Variants in MAS1 observed in about 807,000 individuals in gnomAD.
MAS1 encodes MAS1 proto-oncogene, G protein-coupled receptor, also known as proto-oncogene Mas.
For synonymous variants in MAS1, 163 were observed against 164.2 expected (o/e 0.99, Z 0.05); for missense variants, 387 against 409.7 (o/e 0.94, Z 0.48).
In MAS1 at chr6:159,910,198, C is replaced by CG. The variant is rs1554229634; in HGVS notation, c.*2268dup. ...TTGGATAATGCCTGTCCTAACTGAA[C>CG]GGGAAGGGTTTGTAGCATTCCTACT... On this transcript the variant is annotated 3_prime_UTR_variant, in exon 3 of 3. Transcript: ENST00000674077. The CG allele has an allele frequency of 6.6e-6, 1 of 152,172 alleles. No homozygotes were observed. The highest frequency in any genetic ancestry group is 1.5e-5 in the Non-Finnish European group (1 of 68,024). The allele number at this position is 152,172 out of a possible 1,614,324, so 9.4% of individuals were successfully genotyped here.
chr6:159,895,306 C>T (rs1782742041), intron 1 of MAS1, among the ~76,000 whole-genome samples: 1 of 152,178 alleles, frequency 6.6e-6, no homozygotes, highest in Non-Finnish European at 1.5e-5. Flanking sequence ...TTAATTTCCT[C>T]ACCTGGAAAA....
chr6:159,895,729 A>G (rs894162264), intron 1 of MAS1, among the ~76,000 whole-genome samples: 3 of 152,246 alleles, frequency 2.0e-5, no homozygotes, highest in Non-Finnish European at 4.4e-5. Context: ...TAGAAAAAGA[A>G]ACATATATAT....
rs1208941029 is a variant in MAS1, at chr6:159,908,040, T to G, written c.*107T>G. On this transcript the variant is annotated 3_prime_UTR_variant, in exon 3 of 3. Transcript: ENST00000674077. Reference sequence around the variant, plus strand: ...CCTAAATGTGATACAGAAGAACATCTCATCCCATATGCATGAGATACTAAT... The same window carrying G: ...CCTAAATGTGATACAGAAGAACATCGCATCCCATATGCATGAGATACTAAT... The G allele has an allele frequency of 3.2e-6, 4 of 1,245,398 alleles. No homozygotes were observed. Among genetic ancestry groups the G allele is most frequent in the Non-Finnish European group, 4.4e-6 (4 of 902,660 alleles). 77.1% of individuals were successfully genotyped at this position (1,245,398 alleles called of 1,614,324 possible).
At chr6:159,902,837 G>A (rs1562311006) in intron 2 of MAS1, among the ~76,000 whole-genome samples, 1 of 152,122 alleles carries the variant, frequency 6.6e-6, no homozygotes, top group Admixed American at 6.5e-5. Flanking sequence ...ATTCCTTGAC[G>A]ATTTCAGCAC....
chr6:159,899,076 T>C (rs1236961383), intron 1 of MAS1, 110 bp from the exon 2 acceptor site: 1 of 152,222 alleles, frequency 6.6e-6, no homozygotes, highest in African/African-American at 2.4e-5. Flanking sequence ...CTTATCAGCC[T>C]CCCAAGCTGA....
rs1782969917 is a variant in MAS1 at position 159,911,928 on chromosome 6, C to T, written c.*3995C>T. 2 of 152,734 alleles carry T rather than the reference C, an allele frequency of 1.3e-5. No homozygotes were observed. Among genetic ancestry groups the T allele is most frequent in the East Asian group, 1.9e-4 (1 of 5,192 alleles). 9.5% of individuals were successfully genotyped at this position (152,734 alleles called of 1,614,324 possible). On this transcript the variant is annotated 3_prime_UTR_variant, in exon 3 of 3. Transcript: ENST00000674077. ...TACCCTGGCTAAGATGCTCCAACCC[C>T]TTCCCCTGTTGCCTGCCCGATGGCA...
intron 1 of MAS1, among the ~76,000 whole-genome samples, chr6:159,898,150 C>T (rs1314558675): frequency 1.3e-5 from 2 of 152,034 alleles, no homozygotes; most frequent in South Asian, 2.1e-4. Flanking sequence ...CCTCAGTCTC[C>T]CAAAGTGCTG....
chr6:159,896,066 C>T (rs142755833), intron 1 of MAS1, among the ~76,000 whole-genome samples: 2 of 152,136 alleles, frequency 1.3e-5, no homozygotes, highest in Non-Finnish European at 2.9e-5. Flanking sequence ...CCCAGCACTG[C>T]GGGAGGCCAA....
chr6:159,894,268 A>C (rs949866044), intron 1 of MAS1, among the ~76,000 whole-genome samples: 4 of 151,916 alleles, frequency 2.6e-5, no homozygotes, highest in Non-Finnish European at 5.9e-5. Context: ...AATACCAAAA[A>C]ATTAGTCAGA....
Position 159,913,744 on chromosome 6 carries a change from G to C in MAS1, c.*5811G>C, listed in dbSNP as rs1782990808. On this transcript the variant is annotated 3_prime_UTR_variant, in exon 3 of 3. Transcript: ENST00000674077. ...GGGGTCTCATTTGCTTAAAATTATTGGCATGTTGTTGAAATTATAATGAGT... is the reference window on the plus strand; with the variant it reads ...GGGGTCTCATTTGCTTAAAATTATTCGCATGTTGTTGAAATTATAATGAGT... 1 of 152,030 alleles carries C rather than the reference G, an allele frequency of 6.6e-6. No homozygotes were observed. Among genetic ancestry groups the C allele is most frequent in the Non-Finnish European group, 1.5e-5 (1 of 68,000 alleles). The allele number at this position is 152,030 out of a possible 1,614,324, so 9.4% of individuals were successfully genotyped here.
In MAS1 at chr6:159,916,369, G is replaced by A. The variant is rs1783024304; in HGVS notation, c.*8436G>A. Reference sequence around the variant, plus strand: ...GGAGGGAGTGGGGAGTTAGTGTTTAGTAGGAACTGAATTTCAGTTTGAGGA... The same window carrying A: ...GGAGGGAGTGGGGAGTTAGTGTTTAATAGGAACTGAATTTCAGTTTGAGGA... On this transcript the variant is annotated 3_prime_UTR_variant, in exon 3 of 3. Transcript: ENST00000674077. 1 of 152,160 alleles carries A rather than the reference G, an allele frequency of 6.6e-6. No homozygotes were observed. Among genetic ancestry groups the A allele is most frequent in the South Asian group, 2.1e-4 (1 of 4,824 alleles). 9.4% of individuals were successfully genotyped at this position (152,160 alleles called of 1,614,324 possible).
intron 2 of MAS1, among the ~76,000 whole-genome samples, chr6:159,902,683 A>T (rs1345723954): frequency 6.6e-6 from 1 of 151,744 alleles, no homozygotes; most frequent in East Asian, 1.9e-4. Flanking sequence ...GTGTACTTTG[A>T]ATTTTCTTCC....
Position 159,914,499 on chromosome 6 carries a change from T to C in MAS1, c.*6566T>C, listed in dbSNP as rs1176680633. 6.6e-6 allele frequency: 1 copy of C among 152,254 alleles called. No individual in the cohort carries two copies. The highest frequency in any genetic ancestry group is 1.5e-5 in the Non-Finnish European group (1 of 68,058). 9.4% of individuals were successfully genotyped at this position (152,254 alleles called of 1,614,324 possible). A position where few individuals can be genotyped will look rare whatever the true frequency, so the allele number is the denominator to read the frequency against. Reference sequence around the variant, plus strand: ...GAACTATATTGCTGCTCTGTCAACATTTCCCAGTTCAGGGAAGATGTAAGT... The same window carrying C: ...GAACTATATTGCTGCTCTGTCAACACTTCCCAGTTCAGGGAAGATGTAAGT... On this transcript the variant is annotated 3_prime_UTR_variant, in exon 3 of 3. Coordinates refer to ENST00000674077, the MANE Select transcript of MAS1 (RefSeq NM_002377.4).
At chr6:159,889,929 G>A (rs952358646), upstream of MAS1, among the ~76,000 whole-genome samples, 2 of 152,144 alleles carry the variant, frequency 1.3e-5, no homozygotes, top group African/African-American at 2.4e-5. Flanking sequence ...ACAGTCGGAG[G>A]GGAACTTCAT....
chr6:159,897,424 T>C (rs1782766847), intron 1 of MAS1, among the ~76,000 whole-genome samples: 1 of 152,168 alleles, frequency 6.6e-6, no homozygotes, highest in African/African-American at 2.4e-5. Flanking sequence ...AACAGTGATG[T>C]TATCCCTAGG....
In MAS1 at chr6:159,911,021, A is replaced by G. The variant is rs1782958784; in HGVS notation, c.*3088A>G. 6.6e-6 allele frequency: 1 copy of G among 152,136 alleles called. No individual in the cohort carries two copies. The highest frequency in any genetic ancestry group is 1.5e-5 in the Non-Finnish European group (1 of 68,032). 9.4% of individuals were successfully genotyped at this position (152,136 alleles called of 1,614,324 possible). ...TTCTCCAGCTCTCTTTTTGAATCCT[A>G]TCTTCCTGATTGGAATCTTCTCACT... On this transcript the variant is annotated 3_prime_UTR_variant, in exon 3 of 3. Transcript: ENST00000674077.
At chr6:159,903,405 G>A (rs1457620792) in intron 2 of MAS1, among the ~76,000 whole-genome samples, 2 of 152,170 alleles carry the variant, frequency 1.3e-5, no homozygotes, top group Non-Finnish European at 2.9e-5. Context: ...CACAGGTGAG[G>A]CTGAGTAGTC....
intron 1 of MAS1, among the ~76,000 whole-genome samples, chr6:159,898,668 T>TTCTTCCTCCTC: frequency 2.1e-5 from 1 of 48,466 alleles, no homozygotes; most frequent in Non-Finnish European, 3.9e-5. Context: ...CCCTCCTCCT[T>TTCTTCCTCCTC]CCTCTTCCTC....
At chr6:159,901,590 C>T (rs919422510) in intron 2 of MAS1, among the ~76,000 whole-genome samples, 1 of 152,112 alleles carries the variant, frequency 6.6e-6, no homozygotes, top group Non-Finnish European at 1.5e-5. Flanking sequence ...CAGAGTGAGA[C>T]TATCTCTAAA....
Sources: gnomAD v4.1 joint callset for allele counts (sites outside exome capture counted in the v4.1 genomes callset) on GRCh38, gnomAD v4.1.1 for gene constraint, MANE v1.5 for transcripts, NCBI Gene and HGNC (gene_info 2026-07-23, HGNC 2026-07-21) for gene names.